Variants in CFAP61 observed in about 807,000 individuals in gnomAD.
CFAP61 encodes cilia- and flagella-associated protein 61.
Under a neutral mutation model 135.6 loss-of-function variants are expected in CFAP61, and 107 were observed. That is an observed-to-expected ratio of 0.79 (90% CI 0.67 to 0.93). The LOEUF is 0.93. Among genes scored for constraint, CFAP61 ranks in the 40% least tolerant of loss-of-function variants. The probability of loss-of-function intolerance (pLI) is 0.00; values close to 1 mark genes in which losing one functional copy is unlikely to be tolerated. For missense variants in CFAP61, 1,507 were observed against 1,556.2 expected, an observed-to-expected ratio of 0.97 and a Z score of 0.53; for synonymous variants, 575 against 578.5, an observed-to-expected ratio of 0.99 and a Z score of 0.09.
chr20:20,120,095 A>C (rs1390679761), intron 8 of CFAP61, among the ~76,000 whole-genome samples: 2 of 152,170 alleles, frequency 1.3e-5, no homozygotes, highest in Non-Finnish European at 2.9e-5. Context: ...TGTCTTTATG[A>C]TAGAACAATT....
intron 26 of CFAP61, among the ~76,000 whole-genome samples, chr20:20,358,801 C>T (rs1405095306): frequency 6.6e-6 from 1 of 152,188 alleles, no homozygotes; most frequent in East Asian, 1.9e-4. Context: ...TCTATAAGCT[C>T]TTATCACTAG....
chr20:20,141,925 G>A (rs998543407), intron 8 of CFAP61, among the ~76,000 whole-genome samples: 2 of 152,114 alleles, frequency 1.3e-5, no homozygotes, highest in South Asian at 2.1e-4. Context: ...CTGTGGCAGC[G>A]CTTCTGAGGA....
At position 20,082,125 on chromosome 20, in the gene CFAP61, C is replaced by T. The variant is rs185978089; in HGVS notation, c.566+6510C>T. ...GAGACTTTACAGAACATCAAATGGG[C>T]GTGGCTGTGTGCCTCTTAGGTTGCC... On this transcript the variant is annotated intron_variant, in intron 6 of 26. Coordinates refer to ENST00000245957, the MANE Select transcript of CFAP61 (RefSeq NM_015585.4). Among the ~76,000 whole-genome samples, 124 of 152,306 alleles carry T rather than the reference C, an allele frequency of 8.1e-4. 1 individual carries two copies. The highest frequency in any genetic ancestry group is 2.7e-3 in the African/African-American group (114 of 41,564).
chr20:20,075,720 A>G, intron 6 of CFAP61, 105 bp downstream of exon 6: 1 of 1,221,612 alleles, frequency 8.2e-7, no homozygotes. Flanking sequence ...TTAGATCAAA[A>G]TTTTTTACAA....
intron 13 of CFAP61, among the ~76,000 whole-genome samples, chr20:20,185,068 G>A (rs1049251183): frequency 6.6e-6 from 1 of 152,224 alleles, no homozygotes; most frequent in Non-Finnish European, 1.5e-5. Context: ...TTTACTGGGA[G>A]TGCAAGCTTA....
Position 20,200,787 on chromosome 20 carries a change from G to A in CFAP61, c.1932+885G>A, listed in dbSNP as rs185589473. ...GAAATAAACACCTCGCAATACGCTC[G>A]GCGCTGCAGGAAGGACATCACCCGA... On this transcript the variant is annotated intron_variant, in intron 17 of 26. Coordinates refer to ENST00000245957, the MANE Select transcript of CFAP61 (RefSeq NM_015585.4). The A allele has an allele frequency of 2.5e-5, 25 of 985,368 alleles. 1 individual carries two copies. In the East Asian group the frequency reaches 1.9e-3, roughly 76 times the overall value. 61.0% of individuals were successfully genotyped at this position (985,368 alleles called of 1,614,324 possible). A position where few individuals can be genotyped will look rare whatever the true frequency, so the allele number is the denominator to read the frequency against.
chr20:20,063,085 C>T (rs1478400367), intron 2 of CFAP61, among the ~76,000 whole-genome samples: 1 of 152,130 alleles, frequency 6.6e-6, no homozygotes, highest in African/African-American at 2.4e-5. Flanking sequence ...TAAATTGAAT[C>T]GTTAGTTTTA....
At chr20:20,124,566 T>A (rs890874803) in intron 8 of CFAP61, among the ~76,000 whole-genome samples, 1 of 151,890 alleles carries the variant, frequency 6.6e-6, no homozygotes, top group Non-Finnish European at 1.5e-5. Flanking sequence ...TGATAAGCCA[T>A]CCCTGCATCC....
At chr20:20,143,128 T>C (rs2146753207) in intron 9 of CFAP61, among the ~76,000 whole-genome samples, 180 bp downstream of exon 9, 1 of 152,298 alleles carries the variant, frequency 6.6e-6, no homozygotes, top group Non-Finnish European at 1.5e-5. Flanking sequence ...TCTGTGTTTG[T>C]AACAGACAAA....
At chr20:20,197,690 G>A (rs1047965089) in intron 16 of CFAP61, among the ~76,000 whole-genome samples, 5 of 148,902 alleles carry the variant, frequency 3.4e-5, no homozygotes, top group African/African-American at 1.2e-4. Flanking sequence ...ACAGGAAAAG[G>A]CCTATTCAAG....
intron 1 of CFAP61, chr20:20,055,910 G>A (rs1323008469): frequency 1.4e-6 from 2 of 1,465,398 alleles, no homozygotes; most frequent in Non-Finnish European, 9.5e-7. Flanking sequence ...CAGAAATTGA[G>A]ACAATGAGAG....
At chr20:20,292,974 G>C (rs761870646) in intron 24 of CFAP61, among the ~76,000 whole-genome samples, 1 of 152,138 alleles carries the variant, frequency 6.6e-6, no homozygotes, top group Non-Finnish European at 1.5e-5. Flanking sequence ...TTGCGGGACG[G>C]TGTGTGGGAT....
intron 2 of CFAP61, among the ~76,000 whole-genome samples, chr20:20,062,182 C>T (rs1794638367): frequency 6.6e-6 from 1 of 152,124 alleles, no homozygotes; most frequent in Non-Finnish European, 1.5e-5. Flanking sequence ...TCCAGGCACA[C>T]CCCAGCCCCT....
intron 2 of CFAP61, among the ~76,000 whole-genome samples, chr20:20,068,017 C>A (rs1256163101): frequency 6.6e-6 from 1 of 152,074 alleles, no homozygotes; most frequent in Non-Finnish European, 1.5e-5. Context: ...CCCAGGCCAA[C>A]CCACAAAAGC....
chr20:20,313,138 G>A (rs1447654701), intron 25 of CFAP61, among the ~76,000 whole-genome samples: 4 of 152,044 alleles, frequency 2.6e-5, no homozygotes, highest in Admixed American at 2.6e-4. Context: ...CATAAGGATG[G>A]GACTCTTAGG....
chr20:20,143,983 A>C (rs2051640264), intron 9 of CFAP61, among the ~76,000 whole-genome samples: 1 of 152,234 alleles, frequency 6.6e-6, no homozygotes, highest in African/African-American at 2.4e-5. Context: ...AGACTGGAAA[A>C]GCTTATGATT....
intron 2 of CFAP61, among the ~76,000 whole-genome samples, chr20:20,064,614 T>C (rs1395585864): frequency 6.6e-6 from 1 of 152,208 alleles, no homozygotes; most frequent in African/African-American, 2.4e-5. Flanking sequence ...CAGAATGGCA[T>C]GCAATTATAA....
intron 24 of CFAP61, among the ~76,000 whole-genome samples, chr20:20,297,245 G>A (rs1215335687): frequency 6.6e-6 from 1 of 152,192 alleles, no homozygotes; most frequent in Non-Finnish European, 1.5e-5. Context: ...GTGATGTCCA[G>A]GACTAAGTAA....
intron 25 of CFAP61, among the ~76,000 whole-genome samples, chr20:20,299,988 C>T (rs772676367): frequency 4.6e-5 from 7 of 152,194 alleles, no homozygotes; most frequent in Non-Finnish European, 7.3e-5. Flanking sequence ...CACATAAACA[C>T]GTTCCAGTCA....
Sources: allele counts gnomAD v4.1 joint callset (sites outside exome capture counted in the v4.1 genomes callset), GRCh38; gene constraint gnomAD v4.1.1; transcripts MANE v1.5; gene names NCBI Gene and HGNC (gene_info 2026-07-23, HGNC 2026-07-21).